Variants in MAP3K15 observed in about 807,000 individuals in gnomAD.
The protein encoded by MAP3K15 is MAPK/ERK kinase kinase 15.
MAP3K15 carries 124 observed loss-of-function variants against 99.5 expected under a neutral mutation model. The observed-to-expected ratio is 1.25, with a 90% confidence interval of 1.08 to 1.45. MAP3K15 has a LOEUF of 1.45. Ranked by LOEUF, MAP3K15 falls within the 40% of genes most tolerant of loss-of-function variation. The pLI is 0.00. For synonymous variants in MAP3K15, 494 were observed against 439.6 expected (o/e 1.12, Z -1.55); for missense variants, 1,242 against 1,079.7 (o/e 1.15, Z -2.11).
chrX:19,385,523 A>G (rs1384517992), intron 18 of MAP3K15, among the ~76,000 whole-genome samples: 1 of 109,356 alleles, frequency 9.1e-6, no homozygotes, highest in Non-Finnish European at 1.9e-5. Flanking sequence ...GGTAGGGATC[A>G]TTGGGGGTCA....
In MAP3K15 at chrX:19,361,345, C is replaced by A; in HGVS notation, c.3851G>T (p.Arg1284Leu). 2 of 1,201,978 alleles carry A rather than the reference C, an allele frequency of 1.7e-6. No homozygotes were observed. Among genetic ancestry groups the A allele is most frequent in the Non-Finnish European group, 2.3e-6 (2 of 887,855 alleles). Reference protein sequence around the residue: ...EITKEDLRYLRLRGGLLCRLW... With the variant: ...EITKEDLRYLLLRGGLLCRLW... ...ACTGTTTTGAGGCTCTTACCGTAGT[C>A]GAAGGTATCTTAGATCTTCCTTAGT... is the stretch of plus-strand genomic sequence containing the variant. The change falls in exon 28 of 29, where the codon CGA (arginine) becomes CTA (leucine). Residue 1284 changes from arginine (R) to leucine (L), a missense_variant. Arg to Leu is a moderately radical substitution (Grantham distance 102, BLOSUM62 -2). Coordinates refer to ENST00000338883, the MANE Select transcript of MAP3K15 (RefSeq NM_001001671.4).
Position 19,361,641 on chromosome X carries a change from T to C in MAP3K15, c.3680-48A>G, listed in dbSNP as rs745807211. On this transcript the variant is annotated intron_variant, in intron 26 of 28. Coordinates refer to ENST00000338883, the MANE Select transcript of MAP3K15 (RefSeq NM_001001671.4). ...ATATATTAGTCTAACCATAAAACTCTTCAAAAGTAACCAGTTGGATTAATA... is the reference window on the plus strand; with the variant it reads ...ATATATTAGTCTAACCATAAAACTCCTCAAAAGTAACCAGTTGGATTAATA... 7.2e-5 allele frequency: 63 copies of C among 878,758 alleles called. 2 individuals carry two copies. In the South Asian group the frequency reaches 1.3e-3, roughly 18 times the overall value. 72.4% of individuals were successfully genotyped at this position (878,758 alleles called of 1,213,427 possible). A position where few individuals can be genotyped will look rare whatever the true frequency, so the allele number is the denominator to read the frequency against.
intron 18 of MAP3K15, among the ~76,000 whole-genome samples, chrX:19,390,634 A>G (rs1317970983): frequency 9.5e-6 from 1 of 105,539 alleles, no homozygotes. Context: ...CTGGTCTTGA[A>G]CTCCTGAGCT....
In MAP3K15 at chrX:19,398,063, C is replaced by CAA. The variant is rs147279112; in HGVS notation, c.2066+161_2066+162dup. On this transcript the variant is annotated intron_variant, in intron 15 of 28. Transcript: ENST00000338883. ...TGGGCAATAGAGCGAGACTCCGTTT[C>CAA]AAAAAAAAAAAAAAAAAAAAGATCA... Among the ~76,000 whole-genome samples, 65 of 50,220 alleles carry CAA rather than the reference C, an allele frequency of 1.3e-3. 1 individual carries two copies. The highest frequency in any genetic ancestry group is 2.9e-3 in the African/African-American group (51 of 17,676). 43.6% of individuals were successfully genotyped at this position (50,220 alleles called of 115,157 possible).
At chrX:19,496,601 C>T (rs886300384) in intron 1 of MAP3K15, 2 of 111,311 alleles carry the variant, frequency 1.8e-5, no homozygotes, top group Non-Finnish European at 3.8e-5. Context: ...GTACTCCAGC[C>T]ACACGCTGCA....
chrX:19,500,228 CAG>C (rs2064432208), intron 1 of MAP3K15, among the ~76,000 whole-genome samples: 1 of 111,448 alleles, frequency 9.0e-6, no homozygotes, highest in Non-Finnish European at 1.9e-5. Flanking sequence ...GCCTGGGTGA[CAG>C]AGTGAGACTC....
chrX:19,422,013 T>C lies in MAP3K15; in HGVS notation c.1439+3518A>G, dbSNP rs1331988991. On this transcript the variant is annotated intron_variant, in intron 9 of 28. Coordinates refer to ENST00000338883, the MANE Select transcript of MAP3K15 (RefSeq NM_001001671.4). Reference sequence around the variant, plus strand: ...TGAAACTGGATCCCTTCCTTACACCTTATGCAAAAATTAATTCAAGATGGA... The same window carrying C: ...TGAAACTGGATCCCTTCCTTACACCCTATGCAAAAATTAATTCAAGATGGA... Among the ~76,000 whole-genome samples, 8 of 111,070 alleles carry C rather than the reference T, an allele frequency of 7.2e-5. No homozygotes were observed. The East Asian group carries it at 2.0e-3, about 27-fold the overall frequency.
chrX:19,379,434 G>GTTTTTCCT (rs2063442478), intron 19 of MAP3K15, among the ~76,000 whole-genome samples: 2 of 66,767 alleles, frequency 3.0e-5, no homozygotes, highest in Non-Finnish European at 5.7e-5. Context: ...GAAGTTTAGT[G>GTTTTTCCT]TTTTTCCTTT....
chrX:19,416,093 G>A (rs1257796035), intron 9 of MAP3K15, among the ~76,000 whole-genome samples: 2 of 111,724 alleles, frequency 1.8e-5, no homozygotes, highest in African/African-American at 6.5e-5. Context: ...CACTTTGGGA[G>A]GCCTAGGTGG....
In MAP3K15 at chrX:19,380,294, C is replaced by G. The variant is rs753626943; in HGVS notation, c.2432-17G>C. 1.7e-6 allele frequency: 2 copies of G among 1,206,864 alleles called. No homozygotes were observed. Among genetic ancestry groups the G allele is most frequent in the Non-Finnish European group, 2.2e-6 (2 of 893,548 alleles). ...GCAGGGTGCCTATTTGGAAAACAAACAAACAGGCTGTGGGTACCATATTGC... is the reference window on the plus strand; with the variant it reads ...GCAGGGTGCCTATTTGGAAAACAAAGAAACAGGCTGTGGGTACCATATTGC... On this transcript the variant is annotated splice_polypyrimidine_tract_variant and intron_variant, in intron 18 of 28. Transcript: ENST00000338883.
At chrX:19,438,279 T>C (rs2147323796) in intron 6 of MAP3K15, among the ~76,000 whole-genome samples, 1 of 111,085 alleles carries the variant, frequency 9.0e-6, no homozygotes, top group South Asian at 3.8e-4. Context: ...TATTTTTATT[T>C]ATTTATTTGG....
At chrX:19,373,385 C>T (rs189350862) in intron 21 of MAP3K15, 151 bp downstream of exon 21, 317 of 648,812 alleles carry the variant, frequency 4.9e-4, no homozygotes, top group African/African-American at 4.3e-3. Flanking sequence ...CCCTCCTTGC[C>T]GGGATGGGGC....
At chrX:19,426,377 T>C in intron 7 of MAP3K15, 34 bp from the exon 8 acceptor site, 2 of 840,049 alleles carry the variant, frequency 2.4e-6, no homozygotes, top group Non-Finnish European at 3.2e-6. Flanking sequence ...TATTATTATA[T>C]TACAACAAAA....
chrX:19,488,634 C>T (rs186187442), intron 2 of MAP3K15, among the ~76,000 whole-genome samples, 194 bp downstream of exon 2: 2 of 111,610 alleles, frequency 1.8e-5, no homozygotes, highest in East Asian at 5.6e-4. Context: ...TGCAAACGTA[C>T]GACTGTAGCA....
chrX:19,361,458 A>G (rs2063286701), intron 27 of MAP3K15, 35 bp downstream of exon 27: 1 of 1,190,376 alleles, frequency 8.4e-7, no homozygotes, highest in Admixed American at 2.2e-5. Flanking sequence ...CAGCTGTGTA[A>G]CAACAGCATA....
chrX:19,463,795 G>A lies in MAP3K15; in HGVS notation c.719+418C>T, dbSNP rs1177199593. The stretch of plus-strand genomic sequence containing the variant: ...TTTAAAGCACGAGAGCGTAAGGTCA[G>A]AATGACCTTGCTGAGATATATGAAG... On this transcript the variant is annotated intron_variant, in intron 4 of 28. Coordinates refer to ENST00000338883, the MANE Select transcript of MAP3K15 (RefSeq NM_001001671.4). Among the ~76,000 whole-genome samples, 6 of 111,078 alleles carry A rather than the reference G, an allele frequency of 5.4e-5. No homozygotes were observed. In the Admixed American group the frequency reaches 5.8e-4, roughly 11 times the overall value.
intron 15 of MAP3K15, among the ~76,000 whole-genome samples, chrX:19,395,926 C>G (rs959821334): frequency 1.4e-4 from 16 of 112,144 alleles, no homozygotes; most frequent in African/African-American, 5.2e-4. Context: ...TCTGAATATA[C>G]TTTGTGTTTT....
chrX:19,495,282 G>T (rs552479320), intron 1 of MAP3K15, among the ~76,000 whole-genome samples: 1 of 112,244 alleles, frequency 8.9e-6, no homozygotes. Flanking sequence ...AAAGTGCTGG[G>T]ATTACAGGCA....
intron 1 of MAP3K15, among the ~76,000 whole-genome samples, chrX:19,491,560 C>T (rs1408554248): frequency 9.1e-6 from 1 of 110,367 alleles, no homozygotes; most frequent in African/African-American, 3.3e-5. Context: ...CAGCAGCAAG[C>T]CAGGGTGTAA....
Sources: allele counts gnomAD v4.1 joint callset (sites outside exome capture counted in the v4.1 genomes callset), GRCh38; gene constraint gnomAD v4.1.1; transcripts MANE v1.5; gene names NCBI Gene and HGNC (gene_info 2026-07-23, HGNC 2026-07-21).